The following SLC35G1 variants were observed in gnomAD, a reference collection of about 807,000 sequenced individuals.
SLC35G1 encodes the protein solute carrier family 35 member G1, also known as partner of STIM1.
Under a neutral mutation model 17.1 loss-of-function variants are expected in SLC35G1, and 10 were observed. That is an observed-to-expected ratio of 0.59 (90% CI 0.36 to 0.99). The LOEUF (loss-of-function observed/expected upper bound fraction) is 0.99, where lower values mean the gene tolerates loss of function less well. Among genes scored for constraint, SLC35G1 ranks in the 50% least tolerant of loss-of-function variants. SLC35G1 has a pLI of 0.01. For missense variants in SLC35G1, 433 were observed against 468.4 expected, an observed-to-expected ratio of 0.92 and a Z score of 0.70; for synonymous variants, 185 against 181.1, an observed-to-expected ratio of 1.02 and a Z score of -0.18.
intron 1 of SLC35G1, among the ~76,000 whole-genome samples, chr10:93,894,911 TCTC>T (rs1170916701): frequency 6.6e-6 from 1 of 152,086 alleles, no homozygotes; most frequent in African/African-American, 2.4e-5. Flanking sequence ...GTTTGCTTTG[TCTC>T]CTCCAAGATG....
At chr10:93,904,023 G>A (rs1486180470), downstream of SLC35G1, among the ~76,000 whole-genome samples, 2 of 152,082 alleles carry the variant, frequency 1.3e-5, no homozygotes, top group African/African-American at 4.8e-5. Flanking sequence ...CAAAATAAAG[G>A]CATTAGTCTT....
chr10:93,896,597 A>C (rs1293215689), intron 1 of SLC35G1, among the ~76,000 whole-genome samples: 1 of 152,218 alleles, frequency 6.6e-6, no homozygotes, highest in Non-Finnish European at 1.5e-5. Context: ...GAGTGGAGCC[A>C]GTCCTCACCC....
At chr10:93,895,954 A>T (rs951567281) in intron 1 of SLC35G1, among the ~76,000 whole-genome samples, 8 of 150,636 alleles carry the variant, frequency 5.3e-5, no homozygotes, top group Non-Finnish European at 1.0e-4. Flanking sequence ...AGTTACAGAG[A>T]TTCTATTTCG....
At chr10:93,895,070 A>T (rs1213904356) in intron 1 of SLC35G1, among the ~76,000 whole-genome samples, 1 of 152,162 alleles carries the variant, frequency 6.6e-6, no homozygotes, top group Non-Finnish European at 1.5e-5. Context: ...ATCTACCAGG[A>T]GCAGCTTCCT....
intron 1 of SLC35G1, 40 bp downstream of exon 1, chr10:93,894,251 G>C: frequency 2.3e-6 from 3 of 1,304,758 alleles, no homozygotes; most frequent in Non-Finnish European, 2.9e-6. Context: ...TCTCGCTCGG[G>C]GGTCCCGAGC....
intron 1 of SLC35G1, among the ~76,000 whole-genome samples, chr10:93,896,347 G>A (rs1252456052): frequency 6.6e-5 from 10 of 152,268 alleles, no homozygotes; most frequent in African/African-American, 2.2e-4. Context: ...CCAGGATTGC[G>A]AATCACCAGC....
At chr10:93,897,558 G>A (rs917337788) in intron 1 of SLC35G1, among the ~76,000 whole-genome samples, 2 of 152,214 alleles carry the variant, frequency 1.3e-5, no homozygotes, top group African/African-American at 4.8e-5. Context: ...ATCCCGCAGT[G>A]TGTGACCTTT....
chr10:93,894,306 G>C, intron 1 of SLC35G1, 95 bp downstream of exon 1: 1 of 1,184,242 alleles, frequency 8.4e-7, no homozygotes, highest in South Asian at 2.4e-5. Context: ...CACAGTGCCC[G>C]CCGCGCCTCC....
Position 93,893,980 on chromosome 10 carries a change from G to C in SLC35G1, c.-54G>C. 1 of 1,315,198 alleles carries C rather than the reference G, an allele frequency of 7.6e-7. No homozygotes were observed. The highest frequency in any genetic ancestry group is 9.7e-7 in the Non-Finnish European group (1 of 1,032,308). The allele number at this position is 1,315,198 out of a possible 1,614,324, so 81.5% of individuals were successfully genotyped here. A position where few individuals can be genotyped will look rare whatever the true frequency, so the allele number is the denominator to read the frequency against. ...GCCCGCCGGAAGAGCGGCAGCCCAG[G>C]CGCTGCTGCTGGCGCCAGACGGCAC... is the stretch of plus-strand genomic sequence containing the variant. On this transcript the variant is annotated 5_prime_UTR_variant, in exon 1 of 3. Coordinates refer to ENST00000427197, the MANE Select transcript of SLC35G1 (RefSeq NM_001134658.3).
chr10:93,896,650 G>C (rs532802100), intron 1 of SLC35G1, among the ~76,000 whole-genome samples: 1 of 152,276 alleles, frequency 6.6e-6, no homozygotes, highest in African/African-American at 2.4e-5. Context: ...TCTAATGTCT[G>C]TCCCTTCCCA....
chr10:93,909,702 A>T (rs2060448747), exon 3 of SLC35G1: 2 of 152,204 alleles, frequency 1.3e-5, no homozygotes, highest in South Asian at 4.1e-4. Context: ...GTTATCAAAT[A>T]ACTATGTGAT....
Position 93,901,436 on chromosome 10 carries a change from A to G in SLC35G1, c.1044A>G (p.Val348=). The G allele has an allele frequency of 1.9e-6, 3 of 1,611,282 alleles. No individual in the cohort carries two copies. The highest frequency in any genetic ancestry group is 2.5e-6 in the Non-Finnish European group (3 of 1,179,258). Residue 348 remains valine, a synonymous_variant, in exon 3 of 3, where the codon GTA becomes GTG. Coordinates refer to ENST00000427197, the MANE Select transcript of SLC35G1 (RefSeq NM_001134658.3). ...TWWTVGGALC[V]VASNVGAAIR... Reference sequence around the variant, plus strand: ...GGACAGTGGGTGGTGCTCTCTGCGTAGTAGCCAGTAATGTTGGAGCGGCCA... The same window carrying G: ...GGACAGTGGGTGGTGCTCTCTGCGTGGTAGCCAGTAATGTTGGAGCGGCCA...
rs1408681711 is a variant in SLC35G1 at position 93,901,294 on chromosome 10, T to G, written c.902T>G (p.Phe301Cys). 1 of 1,613,932 alleles carries G rather than the reference T, an allele frequency of 6.2e-7. No homozygotes were observed. Among genetic ancestry groups the G allele is most frequent in the Admixed American group, 1.7e-5 (1 of 59,978 alleles). Residue 301 changes from phenylalanine (F) to cysteine (C), a missense_variant, in exon 3 of 3, where the codon TTT becomes TGT. By Grantham distance (205) the Phe-to-Cys change is radical. Transcript: ENST00000427197. ...IGLFGLGGQI[F>C]ITKALQIEKA... ...CTCTTTGGTTTGGGGGGTCAGATAT[T>G]TATCACAAAAGCACTTCAAATAGAA... is the stretch of plus-strand genomic sequence containing the variant.
At chr10:93,897,389 C>T (rs2060340776) in intron 1 of SLC35G1, among the ~76,000 whole-genome samples, 1 of 152,204 alleles carries the variant, frequency 6.6e-6, no homozygotes, top group African/African-American at 2.4e-5. Context: ...ATAGCTATCA[C>T]ATTATAAAGT....
rs976091120 is a variant in SLC35G1, at chr10:93,898,580, A to G, written c.188A>G (p.Lys63Arg). 1 of 1,600,670 alleles carries G rather than the reference A, an allele frequency of 6.2e-7. No homozygotes were observed. The highest frequency in any genetic ancestry group is 8.5e-7 in the Non-Finnish European group (1 of 1,176,578). Reference sequence around the variant, plus strand: ...ATTTAATCTTTTTCAGAAGCCAAGAAGAAAGCACCCTGTCCTGGACTTGGC... The same window carrying G: ...ATTTAATCTTTTTCAGAAGCCAAGAGGAAAGCACCCTGTCCTGGACTTGGC... Reference protein sequence around the residue: ...CCSRTEPEAKKKAPCPGLGLF... With the variant: ...CCSRTEPEAKRKAPCPGLGLF... The change falls in exon 2 of 3, where the codon AAG becomes AGG. Residue 63 changes from lysine (K) to arginine (R), a missense_variant. Lys to Arg is a conservative substitution (Grantham distance 26, BLOSUM62 2). Transcript: ENST00000427197.
rs887158714 is a variant in SLC35G1 at position 93,903,296 on chromosome 10, A to G, written c.*1806A>G. The G allele has an allele frequency of 6.6e-6, 1 of 152,188 alleles. No homozygotes were observed. Among genetic ancestry groups the G allele is most frequent in the Admixed American group, 6.5e-5 (1 of 15,276 alleles). The allele number at this position is 152,188 out of a possible 1,614,324, so 9.4% of individuals were successfully genotyped here. On this transcript the variant is annotated 3_prime_UTR_variant, in exon 3 of 3. Coordinates refer to ENST00000427197, the MANE Select transcript of SLC35G1 (RefSeq NM_001134658.3). Reference sequence around the variant, plus strand: ...TGCAAATATCTTAGATAATTACAGAATCAGGAGCATTTGAGAACTCTAGAG... The same window carrying G: ...TGCAAATATCTTAGATAATTACAGAGTCAGGAGCATTTGAGAACTCTAGAG...
intron 1 of SLC35G1, among the ~76,000 whole-genome samples, chr10:93,898,162 G>T (rs2060348241): frequency 6.6e-6 from 1 of 152,158 alleles, no homozygotes; most frequent in Non-Finnish European, 1.5e-5. Context: ...TTCCAGAAAA[G>T]AACACTTTCT....
chr10:93,898,787 A>G, intron 2 of SLC35G1, 36 bp downstream of exon 2: 2 of 1,568,368 alleles, frequency 1.3e-6, no homozygotes, highest in Non-Finnish European at 1.7e-6. Context: ...GAAGATATTA[A>G]TAAATGTGTG....
chr10:93,896,519 G>A (rs7913668), intron 1 of SLC35G1, among the ~76,000 whole-genome samples: 137,280 of 152,224 alleles, frequency 0.9, 61,958 homozygotes, highest in Middle Eastern at 0.94. Flanking sequence ...GCCTCTTTCA[G>A]TTATGCTAGT....
Sources: allele counts gnomAD v4.1 joint callset (sites outside exome capture counted in the v4.1 genomes callset), GRCh38; gene constraint gnomAD v4.1.1; transcripts MANE v1.5; gene names NCBI Gene and HGNC (gene_info 2026-07-23, HGNC 2026-07-21).